GIGYF2: variants seen among roughly 807,000 people sequenced by gnomAD.
GIGYF2 encodes the protein GRB10 interacting GYF protein 2.
GIGYF2 carries 25 observed loss-of-function variants against 208.1 expected under a neutral mutation model. The ratio of observed to expected loss-of-function variants is 0.12; its 90% confidence interval spans 0.09 to 0.17. The LOEUF (loss-of-function observed/expected upper bound fraction) is 0.17, where lower values mean the gene tolerates loss of function less well. Ranked by LOEUF, GIGYF2 falls within the 10% of genes least tolerant of loss-of-function variation. The pLI is 1.00. For synonymous variants in GIGYF2, 534 were observed against 543.8 expected, an observed-to-expected ratio of 0.98 and a Z score of 0.25; for missense variants, 1,302 against 1,579.4, an observed-to-expected ratio of 0.82 and a Z score of 2.98.
In GIGYF2 at chr2:232,812,510, C is replaced by T; in HGVS notation, c.2107+19C>T. On this transcript the variant is annotated intron_variant, in intron 18 of 28. Transcript: ENST00000373563. ...CCTACAGGTAAAAACTTAGATTAAC[C>T]TTTAGTACCACTCTGAGGATTCAGA... 1 of 878,758 alleles carries T rather than the reference C, an allele frequency of 1.1e-6. No individual in the cohort carries two copies. The highest frequency in any genetic ancestry group is 2.0e-6 in the Non-Finnish European group (1 of 510,310). The allele number at this position is 878,758 out of a possible 1,614,324, so 54.4% of individuals were successfully genotyped here.
chr2:232,751,787 A>G (rs1178592689), intron 5 of GIGYF2, among the ~76,000 whole-genome samples: 2 of 152,184 alleles, frequency 1.3e-5, no homozygotes, highest in African/African-American at 2.4e-5. Flanking sequence ...ATTTTAAAGA[A>G]ATTAGTGTGT....
intron 1 of GIGYF2, among the ~76,000 whole-genome samples, chr2:232,701,157 T>C (rs1695822841): frequency 6.6e-6 from 1 of 152,124 alleles, no homozygotes. Flanking sequence ...TTGACCAAAC[T>C]TCATTTTATA....
chr2:232,786,473 G>A (rs756603285), intron 8 of GIGYF2, among the ~76,000 whole-genome samples: 1 of 152,116 alleles, frequency 6.6e-6, no homozygotes, highest in African/African-American at 2.4e-5. Flanking sequence ...TCCTGACCTC[G>A]TGATCCACCT....
At chr2:232,819,767 A>C in intron 20 of GIGYF2, 60 bp from the exon 21 acceptor site, 1 of 838,412 alleles carries the variant, frequency 1.2e-6, no homozygotes, top group East Asian at 2.4e-5. Context: ...ATGACATAAT[A>C]AATTGAATGA....
At chr2:232,829,910 C>G (rs1701374534) in intron 21 of GIGYF2, among the ~76,000 whole-genome samples, 1 of 152,172 alleles carries the variant, frequency 6.6e-6, no homozygotes, top group African/African-American at 2.4e-5. Flanking sequence ...AGTTGGCAGG[C>G]AGGGAAAGGT....
In GIGYF2 at chr2:232,856,931, CTTACTCACCAT is replaced by C; in HGVS notation, c.*78_*88del. Reference sequence around the variant, plus strand: ...GGAGTCTCCACCTTTGGACACAACACTTACTCACCATTTACTCTTTATCACTCTGCAACAAA... The same window carrying C: ...GGAGTCTCCACCTTTGGACACAACACTTACTCTTTATCACTCTGCAACAAA... On this transcript the variant is annotated 3_prime_UTR_variant, in exon 29 of 29. Coordinates refer to ENST00000373563, the MANE Select transcript of GIGYF2 (RefSeq NM_001103146.3). 1 of 962,316 alleles carries C rather than the reference CTTACTCACCAT, an allele frequency of 1.0e-6. No individual in the cohort carries two copies. 59.6% of individuals were successfully genotyped at this position (962,316 alleles called of 1,614,324 possible).
chr2:232,825,114 G>A (rs1395356917), intron 21 of GIGYF2, among the ~76,000 whole-genome samples: 1 of 152,192 alleles, frequency 6.6e-6, no homozygotes, highest in Non-Finnish European at 1.5e-5. Flanking sequence ...TGATGGAGAT[G>A]TACAAGGAAA....
intron 3 of GIGYF2, among the ~76,000 whole-genome samples, chr2:232,737,134 A>G (rs1172301819): frequency 6.6e-6 from 1 of 152,230 alleles, no homozygotes; most frequent in Non-Finnish European, 1.5e-5. Flanking sequence ...CACAGAGCCT[A>G]AACATTAATT....
Position 232,856,678 on chromosome 2 carries a change from T to G in GIGYF2, c.3833-115T>G. The G allele has an allele frequency of 3.8e-6, 3 of 790,336 alleles. No individual in the cohort carries two copies. In the Admixed American group the frequency reaches 5.2e-5, roughly 14 times the overall value. 49.0% of individuals were successfully genotyped at this position (790,336 alleles called of 1,614,324 possible). A position where few individuals can be genotyped will look rare whatever the true frequency, so the allele number is the denominator to read the frequency against. On this transcript the variant is annotated intron_variant, in intron 28 of 28. Transcript: ENST00000373563. The stretch of plus-strand genomic sequence containing the variant: ...CTGCACTCCAGCCTGGGTGACAGAG[T>G]GAAACCCTGTCTCACAAACAAACAA...
At chr2:232,749,583 G>A (rs886635644) in intron 5 of GIGYF2, among the ~76,000 whole-genome samples, 1 of 152,052 alleles carries the variant, frequency 6.6e-6, no homozygotes, top group Non-Finnish European at 1.5e-5. Context: ...CGAATTTAGT[G>A]TTGTTCCTGT....
At chr2:232,815,850 GC>G (rs1453555016) in intron 19 of GIGYF2, 113 bp downstream of exon 19, 1 of 706,586 alleles carries the variant, frequency 1.4e-6, no homozygotes, top group Non-Finnish European at 2.6e-6. Flanking sequence ...GTTTACTGCT[GC>G]TTAGCTGGTA....
At chr2:232,767,871 G>A (rs1260692311) in intron 8 of GIGYF2, 1 of 326,160 alleles carries the variant, frequency 3.1e-6, no homozygotes, top group Non-Finnish European at 5.8e-6. Flanking sequence ...GAGTTCAGTT[G>A]TGTTAAACTT....
chr2:232,780,076 T>A (rs1313601112), intron 8 of GIGYF2, among the ~76,000 whole-genome samples: 1 of 152,196 alleles, frequency 6.6e-6, no homozygotes, highest in Non-Finnish European at 1.5e-5. Context: ...TTGTGGAGAT[T>A]GGGCACTTGT....
At chr2:232,851,973 A>T (rs1036612000) in intron 28 of GIGYF2, among the ~76,000 whole-genome samples, 1 of 152,186 alleles carries the variant, frequency 6.6e-6, no homozygotes, top group Non-Finnish European at 1.5e-5. Context: ...AAGAGTGGAA[A>T]GGTCTCAGGC....
At chr2:232,724,236 T>A (rs1056279811) in intron 2 of GIGYF2, among the ~76,000 whole-genome samples, 5 of 149,606 alleles carry the variant, frequency 3.3e-5, no homozygotes, top group African/African-American at 9.9e-5. Context: ...TTTTGTATTT[T>A]TAGTAGAGAC....
In GIGYF2 at chr2:232,858,086, A is replaced by G; in HGVS notation, c.*1226A>G. The stretch of plus-strand genomic sequence containing the variant: ...CCTAAAACCTTAAACTTCAAGTAGA[A>G]ATGTACTCAAGCCCTATTTATAAAC... On this transcript the variant is annotated 3_prime_UTR_variant, in exon 29 of 29. Transcript: ENST00000373563. The G allele has an allele frequency of 5.5e-6, 1 of 182,210 alleles. No individual in the cohort carries two copies. The highest frequency in any genetic ancestry group is 1.1e-5 in the Non-Finnish European group (1 of 88,000). 11.3% of individuals were successfully genotyped at this position (182,210 alleles called of 1,614,324 possible). A position where few individuals can be genotyped will look rare whatever the true frequency, so the allele number is the denominator to read the frequency against.
In GIGYF2 at chr2:232,842,291, A is replaced by C. The variant is rs149766127; in HGVS notation, c.2890-1755A>C. 6.3e-3 allele frequency among the ~76,000 whole-genome samples: 953 copies of C among 152,312 alleles called. 9 individuals are homozygous for C. The highest frequency in any genetic ancestry group is 0.011 in the Non-Finnish European group (752 of 68,020). On this transcript the variant is annotated intron_variant, in intron 23 of 28. Transcript: ENST00000373563. ...CTGTAACCTTGAACTCCTGAGCTCA[A>C]GTGATTCTCCTGCCTAGGCTTCCCA...
At chr2:232,788,518 A>G in intron 9 of GIGYF2, 1 of 468,896 alleles carries the variant, frequency 2.1e-6, no homozygotes. Flanking sequence ...GTTCCCAACA[A>G]GCATTCAGTG....
At position 232,855,088 on chromosome 2, in the gene GIGYF2, T is replaced by C. The variant is rs1174219255; in HGVS notation, c.3833-1705T>C. ...TTTTTTTCTTTTTCTTTCTTTTTTT[T>C]TTTTTTTTTTTTTTTTGAGACAAGG... is the stretch of plus-strand genomic sequence containing the variant. On this transcript the variant is annotated intron_variant, in intron 28 of 28. Transcript: ENST00000373563. Among the ~76,000 whole-genome samples, 129 of 101,508 alleles carry C rather than the reference T, an allele frequency of 1.3e-3. No homozygotes were observed. In the East Asian group the frequency reaches 0.014, roughly 11 times the overall value. The allele number at this position is 101,508 out of a possible 152,430, so 66.6% of individuals were successfully genotyped here.
Sources: allele counts gnomAD v4.1 joint callset (sites outside exome capture counted in the v4.1 genomes callset), GRCh38; gene constraint gnomAD v4.1.1; transcripts MANE v1.5; gene names NCBI Gene and HGNC (gene_info 2026-07-23, HGNC 2026-07-21).